The following ELP4 variants were observed in gnomAD, a reference collection of about 807,000 sequenced individuals.
ELP4 encodes the protein elongator complex protein 4.
Under a neutral mutation model 48.9 loss-of-function variants are expected in ELP4, and 51 were observed. That is an observed-to-expected ratio of 1.04 (90% CI 0.83 to 1.32). The LOEUF (loss-of-function observed/expected upper bound fraction) is 1.32, where lower values mean the gene tolerates loss of function less well. Among genes scored for constraint, ELP4 ranks in the 40% most tolerant of loss-of-function variants. The probability of loss-of-function intolerance (pLI) is 0.00; values close to 1 mark genes in which losing one functional copy is unlikely to be tolerated. For synonymous variants in ELP4, 210 were observed against 189.2 expected (o/e 1.11, Z -0.90); for missense variants, 519 against 514.6 (o/e 1.01, Z -0.08).
intron 9 of ELP4, chr11:31,651,308 C>T (rs1189036576): frequency 6.6e-6 from 1 of 151,686 alleles, no homozygotes; most frequent in Non-Finnish European, 1.5e-5. Flanking sequence ...GTGCCCTCCT[C>T]CTAATTAATG....
rs756422787 is a variant in ELP4 at position 31,650,103 on chromosome 11, C to A, written c.1037-12C>A. 1.7e-6 allele frequency: 2 copies of A among 1,152,040 alleles called. No individual in the cohort carries two copies. The highest frequency in any genetic ancestry group is 2.6e-6 in the Non-Finnish European group (2 of 781,532). 71.4% of individuals were successfully genotyped at this position (1,152,040 alleles called of 1,614,324 possible). The stretch of plus-strand genomic sequence containing the variant: ...TTTTAAATTTTTTTTCTTTTAATTT[C>A]TTTTCCACAAGGATTGATTCATATA... On this transcript the variant is annotated splice_polypyrimidine_tract_variant and intron_variant, in intron 8 of 9. Coordinates refer to ENST00000640961, the MANE Select transcript of ELP4 (RefSeq NM_019040.5).
chr11:31,605,063 A>G (rs1303382426), intron 5 of ELP4, among the ~76,000 whole-genome samples: 1 of 152,072 alleles, frequency 6.6e-6, no homozygotes, highest in East Asian at 1.9e-4. Context: ...TTATTAAGTG[A>G]TAGAACCAGG....
intron 9 of ELP4, among the ~76,000 whole-genome samples, chr11:31,670,949 G>A (rs868089063): frequency 6.6e-6 from 1 of 151,496 alleles, no homozygotes. Context: ...GTAATATAAT[G>A]TGTTTATCAC....
At chr11:31,666,039 C>G (rs1287638262) in intron 9 of ELP4, among the ~76,000 whole-genome samples, 1 of 70,236 alleles carries the variant, frequency 1.4e-5, no homozygotes, top group Non-Finnish European at 2.5e-5. Context: ...GACAGAGTTT[C>G]ACTCTGTCCC....
chr11:31,669,324 G>T (rs1216408865), intron 9 of ELP4, among the ~76,000 whole-genome samples: 1 of 151,894 alleles, frequency 6.6e-6, no homozygotes. Flanking sequence ...AACCTCGTCC[G>T]CCTGCCTCGG....
chr11:31,596,131 G>A (rs570329264), intron 4 of ELP4, among the ~76,000 whole-genome samples: 8 of 152,252 alleles, frequency 5.3e-5, no homozygotes, highest in Middle Eastern at 3.4e-3. Context: ...TGGGTTGGGT[G>A]CAGTGGCTCA....
At chr11:31,669,065 C>A (rs1161791389) in intron 9 of ELP4, among the ~76,000 whole-genome samples, 3 of 150,764 alleles carry the variant, frequency 2.0e-5, no homozygotes, top group African/African-American at 4.9e-5. Flanking sequence ...TCTGTCACTT[C>A]CATGTCTTTT....
chr11:31,740,123 C>G (rs1409323393), intron 9 of ELP4, among the ~76,000 whole-genome samples: 1 of 152,186 alleles, frequency 6.6e-6, no homozygotes, highest in African/African-American at 2.4e-5. Context: ...ACTGAATTAT[C>G]TGGTTTGGCT....
At chr11:31,617,729 TAAAA>T (rs67907172) in intron 5 of ELP4, among the ~76,000 whole-genome samples, 1 of 140,394 alleles carries the variant, frequency 7.1e-6, no homozygotes, top group African/African-American at 2.6e-5. Flanking sequence ...AAAAAAAAGT[TAAAA>T]AAAAAAAAAA....
Position 31,626,675 on chromosome 11 carries a change from A to T in ELP4, c.654-435A>T, listed in dbSNP as rs1026340903. Among the ~76,000 whole-genome samples, 5 of 151,966 alleles carry T rather than the reference A, an allele frequency of 3.3e-5. 1 individual carries two copies. The South Asian group carries it at 6.2e-4, about 19-fold the overall frequency. On this transcript the variant is annotated intron_variant, in intron 5 of 9. Transcript: ENST00000640961. ...TTTAGAAGTTTGTTCTAAGAAAATT[A>T]ACTTTGATGGAAGATGAGCTCAGGT... is the stretch of plus-strand genomic sequence containing the variant.
chr11:31,648,635 C>G (rs1341958294), intron 8 of ELP4: 1 of 151,536 alleles, frequency 6.6e-6, no homozygotes, highest in African/African-American at 2.4e-5. Context: ...AACTACCATA[C>G]TTCTGTGGAA....
At chr11:31,748,689 A>T (rs528780664) in intron 9 of ELP4, among the ~76,000 whole-genome samples, 1 of 152,224 alleles carries the variant, frequency 6.6e-6, no homozygotes, top group South Asian at 2.1e-4. Context: ...TATGACAGAA[A>T]AGGCTAGTAG....
intron 3 of ELP4, among the ~76,000 whole-genome samples, chr11:31,561,115 T>G (rs1157393178): frequency 6.6e-6 from 1 of 152,178 alleles, no homozygotes; most frequent in South Asian, 2.1e-4. Context: ...CATGTATACA[T>G]AATACACACA....
At chr11:31,644,719 A>T (rs1369392145) in intron 7 of ELP4, among the ~76,000 whole-genome samples, 2 of 151,746 alleles carry the variant, frequency 1.3e-5, no homozygotes, top group African/African-American at 4.8e-5. Context: ...TTTTGACAAG[A>T]ATGATTTTAA....
intron 9 of ELP4, among the ~76,000 whole-genome samples, chr11:31,658,658 C>A (rs938957328): frequency 2.6e-5 from 4 of 151,802 alleles, no homozygotes; most frequent in Non-Finnish European, 5.9e-5. Flanking sequence ...TGTTCAGGTA[C>A]TTTTACCAAT....
At chr11:31,564,821 T>A (rs952071877) in intron 3 of ELP4, among the ~76,000 whole-genome samples, 4 of 152,210 alleles carry the variant, frequency 2.6e-5, no homozygotes, top group East Asian at 1.9e-4. Flanking sequence ...CTATTGTGAA[T>A]AGTGCCACAA....
At chr11:31,548,810 A>T (rs1222322077) in intron 3 of ELP4, among the ~76,000 whole-genome samples, 1 of 152,230 alleles carries the variant, frequency 6.6e-6, no homozygotes, top group African/African-American at 2.4e-5. Context: ...GGAACAGAAC[A>T]GAGCCCTCAG....
At chr11:31,577,794 T>C (rs900726743) in intron 3 of ELP4, among the ~76,000 whole-genome samples, 1 of 152,136 alleles carries the variant, frequency 6.6e-6, no homozygotes, top group African/African-American at 2.4e-5. Context: ...GGGACGTATC[T>C]CAAAATAATA....
intron 5 of ELP4, among the ~76,000 whole-genome samples, chr11:31,614,802 AAAC>A (rs1183351393): frequency 6.6e-6 from 1 of 152,192 alleles, no homozygotes; most frequent in African/African-American, 2.4e-5. Context: ...ACATTCTACC[AAAC>A]ATCTGGACTA....
Sources: gnomAD v4.1 joint callset for allele counts (sites outside exome capture counted in the v4.1 genomes callset) on GRCh38, gnomAD v4.1.1 for gene constraint, MANE v1.5 for transcripts, NCBI Gene and HGNC (gene_info 2026-07-23, HGNC 2026-07-21) for gene names.